Variants in SAMTOR observed in about 807,000 individuals in gnomAD.
SAMTOR encodes the protein UPF0532 protein C7orf60.
chr7:112,922,645 A>G, the SAMTOR span, among the ~76,000 whole-genome samples: 58,066 of 148,834 alleles, frequency 0.39, 13,355 homozygotes, highest in African/African-American at 0.65. Flanking sequence ...CTGCCCGGCC[A>G]TGACCCCATC....
the SAMTOR span, among the ~76,000 whole-genome samples, chr7:112,887,441 C>T: frequency 6.6e-6 from 1 of 152,096 alleles, no homozygotes; most frequent in Non-Finnish European, 1.5e-5. Flanking sequence ...TCTTAAACTT[C>T]ATTCTCCTGG....
chr7:112,850,264 T>C, the SAMTOR span, among the ~76,000 whole-genome samples: 1 of 152,142 alleles, frequency 6.6e-6, no homozygotes, highest in Non-Finnish European at 1.5e-5. Flanking sequence ...CAGTTATTCA[T>C]GGTATATTAT....
the SAMTOR span, among the ~76,000 whole-genome samples, chr7:112,842,754 A>C: frequency 3.3e-5 from 5 of 151,968 alleles, no homozygotes; most frequent in Non-Finnish European, 7.4e-5. Flanking sequence ...GTATTACATG[A>C]ATATGTTAAG....
At chr7:112,892,372 T>C in the SAMTOR span, among the ~76,000 whole-genome samples, 2 of 152,212 alleles carry the variant, frequency 1.3e-5, no homozygotes, top group Non-Finnish European at 2.9e-5. Flanking sequence ...CTTAATGGCA[T>C]CTAGAATGGT....
the SAMTOR span, among the ~76,000 whole-genome samples, chr7:112,896,445 G>A: frequency 6.6e-6 from 1 of 152,148 alleles, no homozygotes; most frequent in African/African-American, 2.4e-5. Context: ...GTACAACTAT[G>A]GTCCAAGGGA....
At chr7:112,840,861 G>A in the SAMTOR span, among the ~76,000 whole-genome samples, 1 of 151,948 alleles carries the variant, frequency 6.6e-6, no homozygotes, top group Non-Finnish European at 1.5e-5. Context: ...ATGCAGAAAA[G>A]GCCTTCGATA....
chr7:112,901,005 A>C, the SAMTOR span, among the ~76,000 whole-genome samples: 1 of 152,220 alleles, frequency 6.6e-6, no homozygotes, highest in Admixed American at 6.5e-5. Flanking sequence ...CATGACACCA[A>C]AGGCATGATC....
At chr7:112,870,133 A>G in the SAMTOR span, among the ~76,000 whole-genome samples, 1 of 152,210 alleles carries the variant, frequency 6.6e-6, no homozygotes, top group African/African-American at 2.4e-5. Flanking sequence ...ATACATGAGG[A>G]CATAATTCAT....
the SAMTOR span, among the ~76,000 whole-genome samples, chr7:112,842,036 C>T: frequency 1.1e-4 from 17 of 152,092 alleles, no homozygotes; most frequent in African/African-American, 3.9e-4. Flanking sequence ...TCTGTTCTTG[C>T]TGCCTCTGCT....
chr7:112,830,740 T>A, the SAMTOR span, among the ~76,000 whole-genome samples: 3 of 152,350 alleles, frequency 2.0e-5, no homozygotes, highest in African/African-American at 7.2e-5. Context: ...TTATACAGAT[T>A]TAATCATGCT....
the SAMTOR span, among the ~76,000 whole-genome samples, chr7:112,860,981 A>G: frequency 6.6e-6 from 1 of 151,798 alleles, no homozygotes; most frequent in Non-Finnish European, 1.5e-5. Context: ...CACTCTTTGC[A>G]ATAGTGAGGC....
chr7:112,840,664 G>T, the SAMTOR span, among the ~76,000 whole-genome samples: 2 of 151,620 alleles, frequency 1.3e-5, no homozygotes, highest in African/African-American at 4.8e-5. Context: ...TCCATATACT[G>T]AGTTTATTTT....
At chr7:112,883,470 G>A in the SAMTOR span, among the ~76,000 whole-genome samples, 43 of 152,066 alleles carry the variant, frequency 2.8e-4, no homozygotes, top group Admixed American at 1.3e-4. Flanking sequence ...AGCAAAAAAG[G>A]AAATAAAGAA....
the SAMTOR span, chr7:112,935,272 A>G: frequency 2.3e-6 from 1 of 427,148 alleles, no homozygotes. Context: ...CCACTGAGGA[A>G]AAAAAATAAG....
At chr7:112,824,577 G>A in the SAMTOR span, among the ~76,000 whole-genome samples, 1 of 152,016 alleles carries the variant, frequency 6.6e-6, no homozygotes, top group African/African-American at 2.4e-5. Context: ...TGGCCAGGCT[G>A]GTCTCGAACT....
At chr7:112,829,403 A>C in the SAMTOR span, among the ~76,000 whole-genome samples, 4 of 152,198 alleles carry the variant, frequency 2.6e-5, no homozygotes, top group African/African-American at 7.2e-5. Context: ...AACACATATA[A>C]GGAAAGAATA....
the SAMTOR span, among the ~76,000 whole-genome samples, chr7:112,902,424 AAAAACAAAAAAAAACAAAAAAAAAC>A: frequency 2.5e-4 from 26 of 102,086 alleles, 5 homozygotes; most frequent in East Asian, 1.0e-3. Context: ...CTCAAAAAAA[AAAAACAAAAAAAAACAAAAAAAAAC>A]AAAAAAAAAA....
chr7:112,932,671 G>C, the SAMTOR span, among the ~76,000 whole-genome samples: 1 of 152,112 alleles, frequency 6.6e-6, no homozygotes, highest in African/African-American at 2.4e-5. Context: ...ATACCATAAA[G>C]GTAGGCACAA....
chr7:112,824,146 CA>C, the SAMTOR span, among the ~76,000 whole-genome samples: 7 of 152,092 alleles, frequency 4.6e-5, no homozygotes, highest in Non-Finnish European at 1.0e-4. Context: ...ATTCTTTTAA[CA>C]GTGTCCTTTG....
Sources: gnomAD v4.1 joint callset for allele counts (sites outside exome capture counted in the v4.1 genomes callset) on GRCh38, gnomAD v4.1.1 for gene constraint, MANE v1.5 for transcripts, NCBI Gene and HGNC (gene_info 2026-07-23, HGNC 2026-07-21) for gene names.